The following MAP3K3 variants were observed in gnomAD, a reference collection of about 807,000 sequenced individuals.
MAP3K3 encodes MAP/ERK kinase kinase 3.
A neutral mutation model predicts 80.9 loss-of-function variants in MAP3K3; 12 were observed. That is an observed-to-expected ratio of 0.15 (90% CI 0.10 to 0.24). MAP3K3 has a LOEUF of 0.24. Among genes scored for constraint, MAP3K3 ranks in the 10% least tolerant of loss-of-function variants. MAP3K3 has a pLI of 1.00. For synonymous variants in MAP3K3, 272 were observed against 307.1 expected, an observed-to-expected ratio of 0.89 and a Z score of 1.19; for missense variants, 596 against 834.7, an observed-to-expected ratio of 0.71 and a Z score of 3.52.
chr17:63,673,925 TAAA>T (rs983475651), intron 6 of MAP3K3, among the ~76,000 whole-genome samples: 6 of 151,686 alleles, frequency 4.0e-5, no homozygotes, highest in Non-Finnish European at 8.8e-5. Context: ...AAAAAATAAA[TAAA>T]AATTATCCAG....
At chr17:63,654,724 C>T (rs1414720835) in intron 4 of MAP3K3, among the ~76,000 whole-genome samples, 1 of 152,214 alleles carries the variant, frequency 6.6e-6, no homozygotes, top group East Asian at 1.9e-4. Context: ...AAAAACTGCC[C>T]GAGACTGGGT....
rs1407480712 is a variant in MAP3K3 at position 63,690,325 on chromosome 17, G to T, written c.1125G>T (p.Arg375Ser). Residue 375 changes from arginine (R) to serine (S), a missense_variant, in exon 12 of 16, where the codon AGG (arginine) becomes AGT (serine). By Grantham distance (110) the Arg-to-Ser change is moderately radical. Transcript: ENST00000361733. ...GKLLGQGAFG[R>S]VYLCYDVDTG... ...TCCTGGGCCAGGGTGCCTTCGGCAGGGTCTATTTGTGCTATGACGTGGACA... is the reference window on the plus strand; with the variant it reads ...TCCTGGGCCAGGGTGCCTTCGGCAGTGTCTATTTGTGCTATGACGTGGACA... 2.4e-5 allele frequency: 38 copies of T among 1,614,022 alleles called. No individual in the cohort carries two copies. The highest frequency in any genetic ancestry group is 3.1e-5 in the Non-Finnish European group (37 of 1,180,036).
At chr17:63,671,440 G>A (rs1027184533) in intron 6 of MAP3K3, among the ~76,000 whole-genome samples, 3 of 151,980 alleles carry the variant, frequency 2.0e-5, no homozygotes, top group Non-Finnish European at 4.4e-5. Context: ...ATTTTTAGTA[G>A]AGACGGGGTT....
chr17:63,644,199 G>A (rs1227816682), intron 2 of MAP3K3, among the ~76,000 whole-genome samples: 1 of 152,034 alleles, frequency 6.6e-6, no homozygotes, highest in Non-Finnish European at 1.5e-5. Flanking sequence ...TATCTTACAG[G>A]ATAAGAAGGC....
chr17:63,628,635 C>T (rs2034154685), intron 1 of MAP3K3, among the ~76,000 whole-genome samples: 2 of 152,242 alleles, frequency 1.3e-5, no homozygotes, highest in African/African-American at 4.8e-5. Context: ...GCTGGGATTA[C>T]AGGCGTGAGC....
chr17:63,683,893 A>G (rs1394060545), intron 7 of MAP3K3, among the ~76,000 whole-genome samples: 2 of 152,170 alleles, frequency 1.3e-5, no homozygotes, highest in African/African-American at 2.4e-5. Context: ...GCAGTGGCTC[A>G]TAGCTGTAAT....
intron 3 of MAP3K3, among the ~76,000 whole-genome samples, chr17:63,646,574 A>C (rs2034545096): frequency 6.6e-6 from 1 of 152,206 alleles, no homozygotes; most frequent in Admixed American, 6.5e-5. Context: ...CAGTTGTAAA[A>C]GACTTTAGCT....
chr17:63,688,634 T>C, intron 9 of MAP3K3, 40 bp downstream of exon 9: 1 of 1,586,496 alleles, frequency 6.3e-7, no homozygotes, highest in Non-Finnish European at 8.7e-7. Context: ...GCAGGGTGTC[T>C]GGGTGGGGCC....
intron 12 of MAP3K3, 94 bp downstream of exon 12, chr17:63,690,506 G>C: frequency 7.3e-7 from 1 of 1,363,838 alleles, no homozygotes; most frequent in Non-Finnish European, 1.0e-6. Context: ...GCTGTAGGTT[G>C]CTTCCTCTGT....
At chr17:63,631,780 A>G (rs1035191413) in intron 1 of MAP3K3, among the ~76,000 whole-genome samples, 18 of 152,210 alleles carry the variant, frequency 1.2e-4, no homozygotes, top group Non-Finnish European at 1.6e-4. Flanking sequence ...TAGGGAGGAA[A>G]AACAATAGAA....
chr17:63,644,782 C>T (rs12940055), intron 2 of MAP3K3, among the ~76,000 whole-genome samples: 12,128 of 151,956 alleles, frequency 0.08, 630 homozygotes, highest in Non-Finnish European at 0.11. Flanking sequence ...CTATGTGTTC[C>T]TCATCTTCAA....
intron 6 of MAP3K3, among the ~76,000 whole-genome samples, chr17:63,679,579 C>G (rs2035288676): frequency 6.6e-6 from 1 of 152,148 alleles, no homozygotes; most frequent in Admixed American, 6.6e-5. Context: ...ACCTCCCAGG[C>G]TCAAGCAGTC....
At position 63,670,791 on chromosome 17, in the gene MAP3K3, T is replaced by C. The variant is rs1393133590; in HGVS notation, c.502+3731T>C. Among the ~76,000 whole-genome samples the C allele has an allele frequency of 2.0e-5, 3 of 151,354 alleles. No individual in the cohort carries two copies. The East Asian group carries it at 5.8e-4, about 29-fold the overall frequency. Reference sequence around the variant, plus strand: ...TGATGGCAAGAGGAAGTGTGGTATGTCAGAAATGGAAAGAAGTCCAGATAG... The same window carrying C: ...TGATGGCAAGAGGAAGTGTGGTATGCCAGAAATGGAAAGAAGTCCAGATAG... On this transcript the variant is annotated intron_variant, in intron 6 of 15. Transcript: ENST00000361733.
rs868728863 is a variant in MAP3K3 at position 63,632,747 on chromosome 17, G to A, written c.71G>A (p.Arg24Gln). 13 of 1,613,952 alleles carry A rather than the reference G, an allele frequency of 8.1e-6. 1 individual carries two copies. The highest frequency in any genetic ancestry group is 6.6e-5 in the South Asian group (6 of 91,088). ...LVALQMNRRHRMPGYETMKNK... is the reference protein window; with the variant it reads ...LVALQMNRRHQMPGYETMKNK... ...GCCCTCCAGATGAACCGACGTCACC[G>A]GATGCCTGGATATGAGACCATGAAG... Residue 24 changes from arginine to glutamine, a missense_variant, in exon 2 of 16, where the codon CGG becomes CAG. Physicochemically the swap from Arg to Gln is conservative, Grantham distance 43. Transcript: ENST00000361733.
At chr17:63,677,895 T>G (rs558879225) in intron 6 of MAP3K3, among the ~76,000 whole-genome samples, 25 of 152,326 alleles carry the variant, frequency 1.6e-4, no homozygotes, top group African/African-American at 5.8e-4. Context: ...AGTCCCCACG[T>G]TAGCCTCCCT....
chr17:63,638,313 G>A (rs1033964317), intron 2 of MAP3K3, among the ~76,000 whole-genome samples: 4 of 152,094 alleles, frequency 2.6e-5, no homozygotes, highest in African/African-American at 9.7e-5. Context: ...AAGGTATGTA[G>A]CAAATGCAGG....
intron 1 of MAP3K3, among the ~76,000 whole-genome samples, chr17:63,628,601 C>T (rs1260358853): frequency 1.3e-5 from 2 of 152,176 alleles, no homozygotes; most frequent in African/African-American, 4.8e-5. Flanking sequence ...CTCAGGTGAT[C>T]CACCTGCCTT....
At chr17:63,683,614 C>T (rs146566175) in intron 7 of MAP3K3, among the ~76,000 whole-genome samples, 26 of 152,290 alleles carry the variant, frequency 1.7e-4, no homozygotes, top group African/African-American at 5.8e-4. Context: ...CCTCCCCCAG[C>T]GCCTGCCTCT....
At chr17:63,665,579 G>C (rs947135108) in intron 5 of MAP3K3, among the ~76,000 whole-genome samples, 2 of 152,210 alleles carry the variant, frequency 1.3e-5, no homozygotes, top group African/African-American at 4.8e-5. Context: ...CATTCAGGCA[G>C]GTGGCAGGGT....
Sources: gnomAD v4.1 joint callset for allele counts (sites outside exome capture counted in the v4.1 genomes callset) on GRCh38, gnomAD v4.1.1 for gene constraint, MANE v1.5 for transcripts, NCBI Gene and HGNC (gene_info 2026-07-23, HGNC 2026-07-21) for gene names.